Variants in BMP2K observed in about 807,000 individuals in gnomAD.
BMP2K encodes BMP-2-inducible protein kinase.
BMP2K carries 74 observed loss-of-function variants against 116.0 expected under a neutral mutation model. The ratio of observed to expected loss-of-function variants is 0.64; its 90% CI spans 0.53 to 0.77. BMP2K has a LOEUF of 0.77. Ranked by LOEUF, BMP2K falls within the 30% of genes least tolerant of loss-of-function variation. BMP2K has a pLI of 0.00. For missense variants in BMP2K, 1,365 were observed against 1,403.6 expected (o/e 0.97, Z 0.44); for synonymous variants, 486 against 502.5 (o/e 0.97, Z 0.44).
At chr4:78,908,936 A>G (rs1441974341) in intron 15 of BMP2K, among the ~76,000 whole-genome samples, 2 of 150,364 alleles carry the variant, frequency 1.3e-5, no homozygotes, top group Non-Finnish European at 3.0e-5. Flanking sequence ...TTCAATCTCT[A>G]TTTTTTCTAC....
At chr4:78,825,916 C>G (rs1729847041) in intron 1 of BMP2K, 121 bp from the exon 2 acceptor site, 2 of 732,538 alleles carry the variant, frequency 2.7e-6, no homozygotes, top group Non-Finnish European at 4.5e-6. Flanking sequence ...GCTTATTGCA[C>G]TTGTTTTTGT....
At chr4:78,819,428 A>C (rs139721992) in intron 1 of BMP2K, among the ~76,000 whole-genome samples, 1 of 152,224 alleles carries the variant, frequency 6.6e-6, no homozygotes. Flanking sequence ...TTATGGAATG[A>C]ATTGTATTAA....
At chr4:78,805,357 CT>C (rs1306150130) in intron 1 of BMP2K, among the ~76,000 whole-genome samples, 3 of 152,118 alleles carry the variant, frequency 2.0e-5, no homozygotes, top group Admixed American at 2.0e-4. Flanking sequence ...AGTCCTCTAA[CT>C]TTGCTTTTTT....
rs1734726240 is a variant in BMP2K, at chr4:78,912,815, AAGAG to A, written c.*784_*787del. On this transcript the variant is annotated 3_prime_UTR_variant, in exon 16 of 16. Transcript: ENST00000502613. ...CACAGAAGCCTAGAACAAAAATATG[AAGAG>A]AAATATCTGACATTTGTAAAGAAAT... is the stretch of plus-strand genomic sequence containing the variant. 6.6e-6 allele frequency: 1 copy of A among 152,196 alleles called. No individual in the cohort carries two copies. Among genetic ancestry groups the A allele is most frequent in the African/African-American group, 2.4e-5 (1 of 41,452 alleles). The allele number at this position is 152,196 out of a possible 1,614,324, so 9.4% of individuals were successfully genotyped here.
At position 78,911,597 on chromosome 4, in the gene BMP2K, G is replaced by A. The variant is rs1734613475; in HGVS notation, c.3050G>A (p.Arg1017Lys). The change falls in exon 16 of 16, where the codon AGG (arginine) becomes AAG (lysine). Residue 1017 changes from arginine (R) to lysine (K), a missense_variant. By Grantham distance (26) the Arg-to-Lys change is conservative (BLOSUM62 2). Transcript: ENST00000502613. ...AAGCCTACCTATCGCACTCCAGAGAGGGCTCGCAGGCACAAAAAAGTGGGC... is the reference window on the plus strand; with the variant it reads ...AAGCCTACCTATCGCACTCCAGAGAAGGCTCGCAGGCACAAAAAAGTGGGC... ...TLKPTYRTPE[R>K]ARRHKKVGRR... 1 of 1,613,868 alleles carries A rather than the reference G, an allele frequency of 6.2e-7. No homozygotes were observed. Among genetic ancestry groups the A allele is most frequent in the Admixed American group, 1.7e-5 (1 of 59,996 alleles).
At chr4:78,843,951 T>C (rs189353607) in intron 4 of BMP2K, among the ~76,000 whole-genome samples, 59 of 152,018 alleles carry the variant, frequency 3.9e-4, no homozygotes, top group African/African-American at 1.4e-3. Flanking sequence ...AGTAGATTTC[T>C]TTCTGAATCT....
At chr4:78,840,126 T>G (rs919328593) in intron 3 of BMP2K, among the ~76,000 whole-genome samples, 2 of 152,084 alleles carry the variant, frequency 1.3e-5, no homozygotes, top group Non-Finnish European at 2.9e-5. Context: ...TCAGATAGGT[T>G]GTTGAACACC....
chr4:78,887,449 G>A, intron 15 of BMP2K, 165 bp downstream of exon 15: 1 of 601,342 alleles, frequency 1.7e-6, no homozygotes. Flanking sequence ...TCTTTGCATT[G>A]AGTTATTATT....
rs1734665953 is a variant in BMP2K, at chr4:78,912,113, T to C, written c.*80T>C. ...TTTATGAATTTGAAAGAAAATTTGG[T>C]AGCTCTTTATAGCATTCATTCTTAA... is the stretch of plus-strand genomic sequence containing the variant. On this transcript the variant is annotated 3_prime_UTR_variant, in exon 16 of 16. Transcript: ENST00000502613. 1 of 1,208,722 alleles carries C rather than the reference T, an allele frequency of 8.3e-7. No homozygotes were observed. The highest frequency in any genetic ancestry group is 2.3e-5 in the East Asian group (1 of 42,698). 74.9% of individuals were successfully genotyped at this position (1,208,722 alleles called of 1,614,324 possible). A position where few individuals can be genotyped will look rare whatever the true frequency, so the allele number is the denominator to read the frequency against.
chr4:78,818,795 T>G (rs979249616), intron 1 of BMP2K, among the ~76,000 whole-genome samples: 8 of 151,666 alleles, frequency 5.3e-5, no homozygotes, highest in African/African-American at 1.7e-4. Flanking sequence ...GCAGTGTTTT[T>G]TTTTTTTTTT....
rs1409492037 is a variant in BMP2K, at chr4:78,912,376, A to G, written c.*343A>G. On this transcript the variant is annotated 3_prime_UTR_variant, in exon 16 of 16. Transcript: ENST00000502613. Reference sequence around the variant, plus strand: ...AGGGACAGTGAAACTGTTATTTTTGATATCAGAATGTCATTTTTATGTGCA... The same window carrying G: ...AGGGACAGTGAAACTGTTATTTTTGGTATCAGAATGTCATTTTTATGTGCA... 9.9e-6 allele frequency: 2 copies of G among 201,996 alleles called. No individual in the cohort carries two copies. Among genetic ancestry groups the G allele is most frequent in the African/African-American group, 4.6e-5 (2 of 43,372 alleles). The allele number at this position is 201,996 out of a possible 1,614,324, so 12.5% of individuals were successfully genotyped here. A position where few individuals can be genotyped will look rare whatever the true frequency, so the allele number is the denominator to read the frequency against.
rs1443332704 is a variant in BMP2K, at chr4:78,870,934, G to A, written c.1383G>A (p.Gln461=). 11 of 1,601,318 alleles carry A rather than the reference G, an allele frequency of 6.9e-6. No homozygotes were observed. Among genetic ancestry groups the A allele is most frequent in the Non-Finnish European group, 9.3e-6 (11 of 1,177,172 alleles). ...LHLQHRHPHQ[Q]QQQQQQQQQQ... is the part of the protein sequence containing the mutation. ...TACAGCATCGTCATCCTCACCAGCA[G>A]CAGCAGCAGCAGCAGCAGCAACAGC... Residue 461 remains glutamine, a synonymous_variant, in exon 11 of 16, where the codon CAG becomes CAA. Transcript: ENST00000502613.
rs1380863844 is a variant in BMP2K at position 78,912,664 on chromosome 4, T to C, written c.*631T>C. ...AATGGAATATCTAATGATAAGCATA[T>C]GAAATAATGTGTAATTAGCTCAATT... On this transcript the variant is annotated 3_prime_UTR_variant, in exon 16 of 16. Transcript: ENST00000502613. 1 of 152,176 alleles carries C rather than the reference T, an allele frequency of 6.6e-6. No homozygotes were observed. Among genetic ancestry groups the C allele is most frequent in the African/African-American group, 2.4e-5 (1 of 41,458 alleles). 9.4% of individuals were successfully genotyped at this position (152,176 alleles called of 1,614,324 possible).
At chr4:78,797,934 C>T (rs1397639615) in intron 1 of BMP2K, among the ~76,000 whole-genome samples, 1 of 151,970 alleles carries the variant, frequency 6.6e-6, no homozygotes, top group East Asian at 1.9e-4. Context: ...TTGAGGGATA[C>T]TTCCTCCTCA....
intron 2 of BMP2K, among the ~76,000 whole-genome samples, chr4:78,831,116 A>C (rs1730185302): frequency 6.6e-6 from 1 of 152,224 alleles, no homozygotes; most frequent in African/African-American, 2.4e-5. Flanking sequence ...GTTTTATGAC[A>C]GAGGGAACCC....
At chr4:78,777,124 A>G (rs1448039363) in intron 1 of BMP2K, among the ~76,000 whole-genome samples, 2 of 152,058 alleles carry the variant, frequency 1.3e-5, no homozygotes, top group East Asian at 3.9e-4. Flanking sequence ...CTAAGCCTCC[A>G]CCCGCGCTGC....
At chr4:78,805,748 A>T (rs760754445) in intron 1 of BMP2K, among the ~76,000 whole-genome samples, 12 of 152,074 alleles carry the variant, frequency 7.9e-5, no homozygotes, top group Non-Finnish European at 1.6e-4. Context: ...AGGCGGGTGG[A>T]TCACAAGGGT....
chr4:78,876,491 A>AT (rs1423255952), intron 13 of BMP2K, among the ~76,000 whole-genome samples: 1 of 152,218 alleles, frequency 6.6e-6, no homozygotes, highest in Non-Finnish European at 1.5e-5. Flanking sequence ...TTCAGTAAGT[A>AT]TTTAAGTATC....
At chr4:78,813,706 G>A (rs1207701855) in intron 1 of BMP2K, among the ~76,000 whole-genome samples, 1 of 152,030 alleles carries the variant, frequency 6.6e-6, no homozygotes, top group African/African-American at 2.4e-5. Flanking sequence ...AGTCACCTCA[G>A]GTCTTCCCCA....
Sources: allele counts gnomAD v4.1 joint callset (sites outside exome capture counted in the v4.1 genomes callset), GRCh38; gene constraint gnomAD v4.1.1; transcripts MANE v1.5; gene names NCBI Gene and HGNC (gene_info 2026-07-23, HGNC 2026-07-21).